NBAS: variants seen among roughly 807,000 people sequenced by gnomAD.
The protein encoded by NBAS is NBAS subunit of NRZ tethering complex, also known as NAG/BC035112 fusion.
Under a neutral mutation model 302.5 loss-of-function variants are expected in NBAS, and 219 were observed. The ratio of observed to expected loss-of-function variants is 0.72; its 90% CI spans 0.65 to 0.81. The LOEUF (loss-of-function observed/expected upper bound fraction) is 0.81. NBAS is among the 30% of genes least tolerant of loss of function. The pLI is 0.00. For missense variants in NBAS, 2,932 were observed against 2,841.6 expected (o/e 1.03, Z -0.72); for synonymous variants, 1,118 against 1,021.6 (o/e 1.09, Z -1.80).
chr2:14,980,543 G>A, the NBAS span, among the ~76,000 whole-genome samples: 35 of 152,170 alleles, frequency 2.3e-4, no homozygotes, highest in East Asian at 3.7e-3. Context: ...CCAACAAAAC[G>A]GGCAACTTGC....
intron 44 of NBAS, among the ~76,000 whole-genome samples, chr2:15,248,525 T>A (rs2147977765): frequency 6.6e-6 from 1 of 152,256 alleles, no homozygotes; most frequent in Admixed American, 6.5e-5. Context: ...ATCCAGGAGC[T>A]GGTATTTTGA....
chr2:15,210,111 A>C (rs1332569661), intron 48 of NBAS, among the ~76,000 whole-genome samples: 9 of 152,132 alleles, frequency 5.9e-5, no homozygotes, highest in African/African-American at 2.2e-4. Context: ...AACCAAAGCA[A>C]AAAAGGGACA....
chr2:15,384,671 T>C (rs1396792693), intron 28 of NBAS, among the ~76,000 whole-genome samples: 1 of 152,192 alleles, frequency 6.6e-6, no homozygotes, highest in Non-Finnish European at 1.5e-5. Context: ...TGTAATTCTC[T>C]CTGCCTCTCT....
the NBAS span, among the ~76,000 whole-genome samples, chr2:14,867,776 A>G: frequency 2.9e-3 from 441 of 152,314 alleles, 3 homozygotes; most frequent in African/African-American, 0.01. Context: ...GACCATGTTT[A>G]TACATTTTCT....
chr2:14,953,413 A>G, the NBAS span, among the ~76,000 whole-genome samples: 1 of 152,216 alleles, frequency 6.6e-6, no homozygotes, highest in Non-Finnish European at 1.5e-5. Flanking sequence ...GATAAAAATA[A>G]CCTTAAGAGC....
Position 15,552,456 on chromosome 2 carries a change from A to G in NBAS, c.336-920T>C, listed in dbSNP as rs555045328. ...CTCCTCCTCAGCCCACTCCATGTGA[A>G]GATGACGATAATGAAGACCTTTGTA... On this transcript the variant is annotated intron_variant, in intron 5 of 51. Coordinates refer to ENST00000281513, the MANE Select transcript of NBAS (RefSeq NM_015909.4). Among the ~76,000 whole-genome samples the G allele has an allele frequency of 6.1e-4, 93 of 152,288 alleles. No homozygotes were observed. In the South Asian group the frequency reaches 0.01, roughly 17 times the overall value.
intron 6 of NBAS, among the ~76,000 whole-genome samples, chr2:15,543,483 T>C (rs1200054437): frequency 6.6e-6 from 1 of 152,242 alleles, no homozygotes; most frequent in Non-Finnish European, 1.5e-5. Flanking sequence ...TTTCATGCTG[T>C]TGATAAGACA....
At chr2:15,349,835 T>G (rs1014056921) in intron 35 of NBAS, among the ~76,000 whole-genome samples, 2 of 152,142 alleles carry the variant, frequency 1.3e-5, no homozygotes, top group African/African-American at 4.8e-5. Context: ...ATGTGATCCC[T>G]TAAGTGCACT....
At chr2:14,950,529 C>T in the NBAS span, among the ~76,000 whole-genome samples, 17 of 152,278 alleles carry the variant, frequency 1.1e-4, no homozygotes, top group Admixed American at 3.3e-4. Context: ...AAACTATGTA[C>T]ACCTATTATG....
At chr2:15,227,211 C>A (rs1333454452) in intron 47 of NBAS, among the ~76,000 whole-genome samples, 1 of 151,902 alleles carries the variant, frequency 6.6e-6, no homozygotes, top group Non-Finnish European at 1.5e-5. Context: ...TTTCTATATG[C>A]CAATAGCAAA....
At chr2:15,549,541 C>T (rs554282869) in intron 6 of NBAS, among the ~76,000 whole-genome samples, 5 of 151,764 alleles carry the variant, frequency 3.3e-5, no homozygotes, top group African/African-American at 1.2e-4. Flanking sequence ...GGCTGGGCAA[C>T]GTGGCAAACC....
At chr2:15,186,578 T>C (rs1482276913) in intron 50 of NBAS, among the ~76,000 whole-genome samples, 164 bp downstream of exon 50, 1 of 152,156 alleles carries the variant, frequency 6.6e-6, no homozygotes, top group East Asian at 1.9e-4. Context: ...CAAAGCATCC[T>C]TTCAGCACTG....
At chr2:15,352,222 T>G (rs1673394413) in intron 34 of NBAS, 141 bp from the exon 35 acceptor site, 1 of 645,642 alleles carries the variant, frequency 1.5e-6, no homozygotes, top group African/African-American at 1.8e-5. Flanking sequence ...ACAGGCTTAC[T>G]TCAGGACTTC....
chr2:15,255,858 G>GT (rs1366458412), intron 44 of NBAS, among the ~76,000 whole-genome samples: 1 of 152,130 alleles, frequency 6.6e-6, no homozygotes, highest in Non-Finnish European at 1.5e-5. Context: ...TCAGTTGGCT[G>GT]TAAGTATTTG....
chr2:15,163,257 G>A (rs775260478), downstream of NBAS, among the ~76,000 whole-genome samples: 19 of 152,220 alleles, frequency 1.2e-4, no homozygotes, highest in Non-Finnish European at 2.8e-4. Flanking sequence ...GCCAAGTCCA[G>A]CATCCCCCGC....
chr2:14,911,951 C>T, the NBAS span, among the ~76,000 whole-genome samples: 31 of 152,300 alleles, frequency 2.0e-4, 1 homozygote, highest in South Asian at 6.2e-3. Flanking sequence ...AGAAATGCAT[C>T]ATTAGACAAT....
chr2:15,140,557 T>C, the NBAS span, among the ~76,000 whole-genome samples: 1 of 152,218 alleles, frequency 6.6e-6, no homozygotes, highest in African/African-American at 2.4e-5. Flanking sequence ...TGTTCAGGGT[T>C]ATATAAAATT....
the NBAS span, among the ~76,000 whole-genome samples, chr2:14,789,355 G>C: frequency 2.0e-5 from 3 of 152,124 alleles, no homozygotes; most frequent in Non-Finnish European, 4.4e-5. Context: ...TGCGCCCACT[G>C]TCTGGCACTC....
intron 44 of NBAS, among the ~76,000 whole-genome samples, chr2:15,241,092 T>C (rs1443496664): frequency 1.3e-5 from 2 of 152,172 alleles, no homozygotes; most frequent in Admixed American, 6.5e-5. Context: ...CACTCAACGA[T>C]TTCTGCATCT....
Sources: allele counts gnomAD v4.1 joint callset (sites outside exome capture counted in the v4.1 genomes callset), GRCh38; gene constraint gnomAD v4.1.1; transcripts MANE v1.5; gene names NCBI Gene and HGNC (gene_info 2026-07-23, HGNC 2026-07-21).